Variants in COL11A1 observed in about 807,000 individuals in gnomAD.
COL11A1 encodes collagen alpha-1(XI) chain.
COL11A1 carries 74 observed loss-of-function variants against 265.2 expected under a neutral mutation model. The ratio of observed to expected loss-of-function variants is 0.28; its 90% CI spans 0.23 to 0.34. COL11A1 has a LOEUF of 0.34. Among genes scored for constraint, COL11A1 ranks in the 10% least tolerant of loss-of-function variants. The pLI, the probability that COL11A1 is intolerant of heterozygous loss-of-function variation, is 1.00. For synonymous variants in COL11A1, 816 were observed against 727.6 expected, an observed-to-expected ratio of 1.12 and a Z score of -1.96; for missense variants, 2,165 against 2,263.6, an observed-to-expected ratio of 0.96 and a Z score of 0.88.
intron 5 of COL11A1, among the ~76,000 whole-genome samples, chr1:103,029,233 A>T (rs1667794353): frequency 1.3e-5 from 2 of 152,100 alleles, no homozygotes; most frequent in Admixed American, 1.3e-4. Context: ...TAGAATAATA[A>T]ACATGCAATG....
At chr1:102,953,803 T>C (rs755110757) in intron 41 of COL11A1, among the ~76,000 whole-genome samples, 8 of 152,200 alleles carry the variant, frequency 5.3e-5, no homozygotes, top group Non-Finnish European at 1.2e-4. Flanking sequence ...ACCATTAATA[T>C]GGCATTGTTA....
chr1:102,961,995 A>G, intron 40 of COL11A1, 76 bp from the exon 41 acceptor site: 7 of 1,347,730 alleles, frequency 5.2e-6, no homozygotes, highest in Non-Finnish European at 7.3e-6. Context: ...TCTGATTAGT[A>G]AAATAAGGAT....
chr1:103,035,871 C>T (rs767888611), intron 4 of COL11A1, among the ~76,000 whole-genome samples: 15 of 151,540 alleles, frequency 9.9e-5, no homozygotes, highest in Non-Finnish European at 1.5e-4. Flanking sequence ...TTGCCTAATA[C>T]CTACTAATTT....
chr1:102,888,814 T>G (rs1014023368), intron 60 of COL11A1, 52 bp downstream of exon 60: 1 of 1,612,580 alleles, frequency 6.2e-7, no homozygotes, highest in African/African-American at 1.3e-5. Flanking sequence ...TGTGTCTCTG[T>G]TATATTTGTA....
At position 103,078,781 on chromosome 1, in the gene COL11A1, T is replaced by C; in HGVS notation, c.365A>G (p.His122Arg). 6.2e-7 allele frequency: 1 copy of C among 1,612,474 alleles called. No homozygotes were observed. The highest frequency in any genetic ancestry group is 8.5e-7 in the Non-Finnish European group (1 of 1,178,780). Residue 122 changes from histidine to arginine, a missense_variant, in exon 3 of 67, where the codon CAT becomes CGT. His to Arg is a conservative substitution (Grantham distance 29). Transcript: ENST00000370096. ...CTCAACACCAATTTGCTGAATACCA[T>C]GCTCATTATATATAGATAAAAGGAA... The part of the protein sequence containing the change: ...QSFLLSIYNE[H>R]GIQQIGVEVG...
At chr1:103,090,634 A>G (rs1294216822) in intron 1 of COL11A1, among the ~76,000 whole-genome samples, 3 of 152,304 alleles carry the variant, frequency 2.0e-5, no homozygotes, top group Admixed American at 6.5e-5. Flanking sequence ...AGTTTTCTCA[A>G]TTTAGTCTCA....
chr1:103,029,254 A>T (rs923304381), intron 5 of COL11A1, among the ~76,000 whole-genome samples: 2 of 152,086 alleles, frequency 1.3e-5, no homozygotes, highest in Non-Finnish European at 2.9e-5. Context: ...CCAGAAGTTT[A>T]TTAGTGAACA....
In COL11A1 at chr1:102,934,563, A is replaced by G; in HGVS notation, c.3493-7T>C. ...CTGGTTCACCATCACCTCCCTAGAG[A>G]AGAGAAAGAAACATTATCACAAACT... On this transcript the variant is annotated splice_polypyrimidine_tract_variant and splice_region_variant and intron_variant, in intron 45 of 66. Coordinates refer to ENST00000370096, the MANE Select transcript of COL11A1 (RefSeq NM_001854.4). 6.2e-7 allele frequency: 1 copy of G among 1,601,598 alleles called. No homozygotes were observed.
At chr1:102,988,606 G>T (rs1354290314) in intron 29 of COL11A1, among the ~76,000 whole-genome samples, 1 of 151,648 alleles carries the variant, frequency 6.6e-6, no homozygotes, top group Non-Finnish European at 1.5e-5. Context: ...TGAAAAAGAG[G>T]CTTGAAAGTG....
chr1:103,030,054 A>T (rs974187685), intron 5 of COL11A1, among the ~76,000 whole-genome samples: 12 of 152,074 alleles, frequency 7.9e-5, no homozygotes, highest in African/African-American at 2.9e-4. Flanking sequence ...ATATAAAAAC[A>T]CTAAACCTGA....
rs77847487 is a variant in COL11A1 at position 103,026,712 on chromosome 1, G to T, written c.781-380C>A. Among the ~76,000 whole-genome samples the T allele has an allele frequency of 0.079, 12,029 of 151,968 alleles. 531 individuals carry two copies. The highest frequency in any genetic ancestry group is 0.15 in the Middle Eastern group (43 of 294). On this transcript the variant is annotated intron_variant, in intron 5 of 66. Transcript: ENST00000370096. ...CTATGCAATGTTTCTCTATAAGAGC[G>T]CTACAGTAATTTCAATGGGAATTTT...
chr1:102,904,427 G>C (rs1245306824), intron 54 of COL11A1, among the ~76,000 whole-genome samples: 1 of 152,104 alleles, frequency 6.6e-6, no homozygotes, highest in African/African-American at 2.4e-5. Context: ...TACCATCAGA[G>C]TGAACAGGCA....
At chr1:102,882,096 T>A (rs1204706813) in intron 64 of COL11A1, among the ~76,000 whole-genome samples, 3 of 152,088 alleles carry the variant, frequency 2.0e-5, no homozygotes, top group Admixed American at 6.6e-5. Context: ...GCAAAGGAAA[T>A]CCTCAAAATG....
chr1:102,912,087 A>G, intron 54 of COL11A1, 72 bp downstream of exon 54: 1 of 1,252,792 alleles, frequency 8.0e-7, no homozygotes, highest in African/African-American at 1.5e-5. Flanking sequence ...CCTGCAGCTT[A>G]CACACATTAT....
At chr1:102,970,346 A>C in intron 36 of COL11A1, 74 bp from the exon 37 acceptor site, 1 of 1,229,312 alleles carries the variant, frequency 8.1e-7, no homozygotes, top group Non-Finnish European at 1.2e-6. Context: ...GACATGTTAG[A>C]AAATTTTCTT....
Position 103,108,275 on chromosome 1 carries a change from A to G in COL11A1, c.-97T>C. On this transcript the variant is annotated 5_prime_UTR_variant, in exon 1 of 67. An upstream open reading frame in the 5' UTR loses its in-frame stop. Coordinates refer to ENST00000370096, the MANE Select transcript of COL11A1 (RefSeq NM_001854.4). The stretch of plus-strand genomic sequence containing the variant: ...CAAGGTATCGCCAGGGATGTTTGCT[A>G]CACAGCCATTGGGGAGGGAGAGGGG... 1.1e-6 allele frequency: 1 copy of G among 906,678 alleles called. No individual in the cohort carries two copies. Among genetic ancestry groups the G allele is most frequent in the Non-Finnish European group, 1.8e-6 (1 of 550,508 alleles). 56.2% of individuals were successfully genotyped at this position (906,678 alleles called of 1,614,324 possible). A position where few individuals can be genotyped will look rare whatever the true frequency, so the allele number is the denominator to read the frequency against.
chr1:103,042,088 AC>A (rs1467399750), intron 4 of COL11A1, among the ~76,000 whole-genome samples: 5 of 152,086 alleles, frequency 3.3e-5, no homozygotes, highest in Non-Finnish European at 7.4e-5. Context: ...AAGGATTTTA[AC>A]AGCCAGGTTA....
At chr1:102,891,192 G>A (rs966371039) in intron 57 of COL11A1, among the ~76,000 whole-genome samples, 2 of 151,982 alleles carry the variant, frequency 1.3e-5, no homozygotes, top group African/African-American at 4.8e-5. Flanking sequence ...ACTGGAGAGA[G>A]ACATATACTA....
At chr1:102,993,755 T>C (rs934333981) in intron 28 of COL11A1, among the ~76,000 whole-genome samples, 26 of 152,266 alleles carry the variant, frequency 1.7e-4, no homozygotes, top group African/African-American at 5.8e-4. Flanking sequence ...CCCAGGCTGG[T>C]CTTGAACTAC....
Sources: allele counts gnomAD v4.1 joint callset (sites outside exome capture counted in the v4.1 genomes callset), GRCh38; gene constraint gnomAD v4.1.1; transcripts MANE v1.5; gene names NCBI Gene and HGNC (gene_info 2026-07-23, HGNC 2026-07-21).